HOXA9: variants seen among roughly 807,000 people sequenced by gnomAD.
HOXA9 encodes the protein homeobox protein Hox-A9.
A neutral mutation model predicts 19.0 loss-of-function variants in HOXA9; 18 were observed. The ratio of observed to expected loss-of-function variants is 0.95; its 90% CI spans 0.65 to 1.40. The LOEUF is 1.40. HOXA9 is among the 40% of genes most tolerant of loss of function. The pLI is 0.00. For synonymous variants in HOXA9, 198 were observed against 161.1 expected (o/e 1.23, Z -1.73); for missense variants, 443 against 372.2 (o/e 1.19, Z -1.57).
rs1167855835 is a variant in HOXA9, at chr7:27,165,171, G to A, written c.287C>T (p.Ala96Val). ...HHHHPYVHPQ[A>V]PVAAAAPDGR... The stretch of plus-strand genomic sequence containing the variant: ...GTCCGGCGCCGCCGCCGCCACGGGC[G>A]CCTGGGGGTGCACGTAGGGGTGGTG... The change falls in exon 1 of 2, where the codon GCG becomes GTG. Residue 96 changes from alanine (A) to valine (V), a missense_variant. Ala to Val is a moderately conservative substitution (Grantham distance 64). Coordinates refer to ENST00000343483, the MANE Select transcript of HOXA9 (RefSeq NM_152739.4). The A allele has an allele frequency of 3.8e-6, 6 of 1,596,298 alleles. No individual in the cohort carries two copies. Among genetic ancestry groups the A allele is most frequent in the African/African-American group, 1.3e-5 (1 of 74,364 alleles).
rs769367273 is a variant in HOXA9, at chr7:27,165,158, C to G, written c.300G>C (p.Ala100=). 1.9e-6 allele frequency: 3 copies of G among 1,597,368 alleles called. No individual in the cohort carries two copies. Among genetic ancestry groups the G allele is most frequent in the African/African-American group, 2.7e-5 (2 of 74,330 alleles). The change falls in exon 1 of 2, where the codon GCG becomes GCC. Residue 100 remains alanine (A), a synonymous_variant. Transcript: ENST00000343483. ...GCATGTACCTGCCGTCCGGCGCCGC[C>G]GCCGCCACGGGCGCCTGGGGGTGCA... ...PYVHPQAPVA[A]AAPDGRYMRS... is the part of the protein sequence containing the mutation.
chr7:27,164,902 C>T lies in HOXA9; in HGVS notation c.556G>A (p.Gly186Arg). Residue 186 changes from glycine to arginine, a missense_variant, in exon 1 of 2, where the codon GGA becomes AGA. Coordinates refer to ENST00000343483, the MANE Select transcript of HOXA9 (RefSeq NM_152739.4). ...CTGGGATCGATGGGGGGCTTGTCTC[C>T]GCCGCTCTCATTCTCAGCATTGTTT... is the stretch of plus-strand genomic sequence containing the variant. The part of the protein sequence containing the change: ...SENNAENESG[G>R]DKPPIDPNNP... The T allele has an allele frequency of 6.2e-7, 1 of 1,614,146 alleles. No homozygotes were observed. Among genetic ancestry groups the T allele is most frequent in the Non-Finnish European group, 8.5e-7 (1 of 1,179,994 alleles).
chr7:27,163,252 A>G lies in HOXA9; in HGVS notation c.*351T>C. The G allele has an allele frequency of 3.8e-6, 1 of 266,480 alleles. No homozygotes were observed. Among genetic ancestry groups the G allele is most frequent in the South Asian group, 1.2e-4 (1 of 8,300 alleles). The allele number at this position is 266,480 out of a possible 1,614,324, so 16.5% of individuals were successfully genotyped here. A position where few individuals can be genotyped will look rare whatever the true frequency, so the allele number is the denominator to read the frequency against. On this transcript the variant is annotated 3_prime_UTR_variant, in exon 2 of 2. Coordinates refer to ENST00000343483, the MANE Select transcript of HOXA9 (RefSeq NM_152739.4). ...CTACCATCAACAGTTGTGCATTATA[A>G]AAAGGTAGTTTCTTTCCTTTTGTTT...
At position 27,164,867 on chromosome 7, in the gene HOXA9, G is replaced by T; in HGVS notation, c.580+11C>A. On this transcript the variant is annotated intron_variant, in intron 1 of 1. Transcript: ENST00000343483. ...GAGGCGGCGGCGGATTTGAAGGGAGGAGACACTTACTGGGATCGATGGGGG... is the reference window on the plus strand; with the variant it reads ...GAGGCGGCGGCGGATTTGAAGGGAGTAGACACTTACTGGGATCGATGGGGG... 1 of 1,610,202 alleles carries T rather than the reference G, an allele frequency of 6.2e-7. No individual in the cohort carries two copies. Among genetic ancestry groups the T allele is most frequent in the South Asian group, 1.1e-5 (1 of 90,806 alleles).
At chr7:27,163,863 G>A in intron 1 of HOXA9, 22 bp from the exon 2 acceptor site, 3 of 1,596,590 alleles carry the variant, frequency 1.9e-6, no homozygotes, top group South Asian at 2.2e-5. Context: ...AGAAACACTG[G>A]GTTTAGGAGC....
Position 27,165,004 on chromosome 7 carries a change from A to C in HOXA9, c.454T>G (p.Leu152Val), listed in dbSNP as rs567037909. 5.0e-6 allele frequency: 8 copies of C among 1,614,246 alleles called. No homozygotes were observed. The South Asian group carries it at 8.8e-5, about 18-fold the overall frequency. ...CCACAAGCATAGTCAGTCAGGGACA[A>C]AGTGTGAGTGTCAAGCGTGGGACAG... ...GDCPTLDTHT[L>V]SLTDYACGSP... Residue 152 changes from leucine to valine, a missense_variant, in exon 1 of 2, where the codon TTG becomes GTG. Coordinates refer to ENST00000343483, the MANE Select transcript of HOXA9 (RefSeq NM_152739.4).
chr7:27,164,901 C>T lies in HOXA9; in HGVS notation c.557G>A (p.Gly186Glu). 6.2e-7 allele frequency: 1 copy of T among 1,614,112 alleles called. No individual in the cohort carries two copies. Among genetic ancestry groups the T allele is most frequent in the South Asian group, 1.1e-5 (1 of 91,084 alleles). ...ACTGGGATCGATGGGGGGCTTGTCT[C>T]CGCCGCTCTCATTCTCAGCATTGTT... ...SENNAENESG[G>E]DKPPIDPNNP... The change falls in exon 1 of 2, where the codon GGA becomes GAA. Residue 186 changes from glycine to glutamate, a missense_variant. Coordinates refer to ENST00000343483, the MANE Select transcript of HOXA9 (RefSeq NM_152739.4).
chr7:27,164,460 C>A (rs532419038), intron 1 of HOXA9, among the ~76,000 whole-genome samples: 28 of 152,362 alleles, frequency 1.8e-4, no homozygotes, highest in Middle Eastern at 3.4e-3. Context: ...AGGAATCGGC[C>A]GTCTCCCCCA....
intron 1 of HOXA9, among the ~76,000 whole-genome samples, chr7:27,164,147 A>G (rs1198409475): frequency 6.6e-6 from 1 of 152,092 alleles, no homozygotes; most frequent in African/African-American, 2.4e-5. Flanking sequence ...ATTTGGAAAC[A>G]GGTCTCCTTG....
At position 27,163,482 on chromosome 7, in the gene HOXA9, T is replaced by G; in HGVS notation, c.*121A>C. 1.2e-6 allele frequency: 1 copy of G among 833,066 alleles called. No individual in the cohort carries two copies. Among genetic ancestry groups the G allele is most frequent in the Non-Finnish European group, 1.9e-6 (1 of 519,578 alleles). The allele number at this position is 833,066 out of a possible 1,614,324, so 51.6% of individuals were successfully genotyped here. A position where few individuals can be genotyped will look rare whatever the true frequency, so the allele number is the denominator to read the frequency against. ...GATGTGGCCTGAGGTTTAGAGCCGC[T>G]TTGTGCGGGGATGGTGGAGGCTAGG... is the stretch of plus-strand genomic sequence containing the variant. On this transcript the variant is annotated 3_prime_UTR_variant, in exon 2 of 2. Coordinates refer to ENST00000343483, the MANE Select transcript of HOXA9 (RefSeq NM_152739.4).
intron 1 of HOXA9, 141 bp from the exon 2 acceptor site, chr7:27,163,982 A>G: frequency 1.4e-6 from 1 of 700,284 alleles, no homozygotes; most frequent in Non-Finnish European, 2.5e-6. Flanking sequence ...CTCGGACACA[A>G]TGGAACCCTG....
chr7:27,164,830 G>A, intron 1 of HOXA9, 48 bp downstream of exon 1: 1 of 1,579,898 alleles, frequency 6.3e-7, no homozygotes, highest in South Asian at 1.2e-5. Context: ...GCAGATCCGG[G>A]AGGCCGGCGT....
Position 27,164,903 on chromosome 7 carries a change from G to T in HOXA9, c.555C>A (p.Gly185=), listed in dbSNP as rs1048897054. The T allele has an allele frequency of 1.9e-6, 3 of 1,614,164 alleles. No homozygotes were observed. In the South Asian group the frequency reaches 3.3e-5, roughly 18 times the overall value. ...TGGGATCGATGGGGGGCTTGTCTCC[G>T]CCGCTCTCATTCTCAGCATTGTTTT... ...FSENNAENES[G]GDKPPIDPNN... Residue 185 remains glycine, a synonymous_variant, in exon 1 of 2, where the codon GGC becomes GGA. Coordinates refer to ENST00000343483, the MANE Select transcript of HOXA9 (RefSeq NM_152739.4).
At chr7:27,164,260 GC>G (rs966526916) in intron 1 of HOXA9, among the ~76,000 whole-genome samples, 2 of 152,114 alleles carry the variant, frequency 1.3e-5, no homozygotes, top group African/African-American at 2.4e-5. Context: ...GTCCCTCTAC[GC>G]CCCCCACTCC....
Position 27,163,488 on chromosome 7 carries a change from C to T in HOXA9, c.*115G>A, listed in dbSNP as rs1032584712. 6.1e-5 allele frequency: 52 copies of T among 853,642 alleles called. No homozygotes were observed. The African/African-American group carries it at 7.6e-4, about 13-fold the overall frequency. 52.9% of individuals were successfully genotyped at this position (853,642 alleles called of 1,614,324 possible). A position where few individuals can be genotyped will look rare whatever the true frequency, so the allele number is the denominator to read the frequency against. On this transcript the variant is annotated 3_prime_UTR_variant, in exon 2 of 2. Transcript: ENST00000343483. ...GCCTGAGGTTTAGAGCCGCTTTGTG[C>T]GGGGATGGTGGAGGCTAGGGTGGGG... is the stretch of plus-strand genomic sequence containing the variant.
rs750715019 is a variant in HOXA9 at position 27,165,482 on chromosome 7, C to T, written c.-25G>A. ...TCACCGTGCCCAGCGCCTGGCCCGC[C>T]CGGCCCGACCCACGGAAATTATGAA... On this transcript the variant is annotated 5_prime_UTR_variant, in exon 1 of 2. Transcript: ENST00000343483. 1.1e-5 allele frequency: 17 copies of T among 1,542,500 alleles called. 1 individual carries two copies. The highest frequency in any genetic ancestry group is 1.7e-4 in the Middle Eastern group (1 of 5,854).
chr7:27,163,577 T>C lies in HOXA9; in HGVS notation c.*26A>G. The C allele has an allele frequency of 6.4e-7, 1 of 1,556,652 alleles. No homozygotes were observed. Among genetic ancestry groups the C allele is most frequent in the Non-Finnish European group, 8.8e-7 (1 of 1,132,104 alleles). ...CTTTCTTTTTCTCTCTAGCTTACCC[T>C]TTTTTCTAAATAAGCCCAAATGGCA... On this transcript the variant is annotated 3_prime_UTR_variant, in exon 2 of 2. Transcript: ENST00000343483.
rs776933242 is a variant in HOXA9 at position 27,165,357 on chromosome 7, G to A, written c.101C>T (p.Thr34Ile). The change falls in exon 1 of 2, where the codon ACC becomes ATC. Residue 34 changes from threonine to isoleucine, a missense_variant. Coordinates refer to ENST00000343483, the MANE Select transcript of HOXA9 (RefSeq NM_152739.4). ...CGCCTGCCGGGGAGGCTGGCCCAGGGTCCCCGGCGCATAGCGGCCAACGCT... is the reference window on the plus strand; with the variant it reads ...CGCCTGCCGGGGAGGCTGGCCCAGGATCCCCGGCGCATAGCGGCCAACGCT... Reference protein sequence around the residue: ...ELSVGRYAPGTLGQPPRQAAT... With the variant: ...ELSVGRYAPGILGQPPRQAAT... The A allele has an allele frequency of 3.8e-6, 6 of 1,595,760 alleles. No homozygotes were observed. Among genetic ancestry groups the A allele is most frequent in the Non-Finnish European group, 5.1e-6 (6 of 1,172,884 alleles).
At chr7:27,163,875 G>A (rs773896730) in intron 1 of HOXA9, 34 bp from the exon 2 acceptor site, 28 of 1,563,916 alleles carry the variant, frequency 1.8e-5, no homozygotes, top group Non-Finnish European at 2.5e-5. Context: ...TTTAGGAGCA[G>A]AAGACGCACA....
Sources: allele counts gnomAD v4.1 joint callset (sites outside exome capture counted in the v4.1 genomes callset), GRCh38; gene constraint gnomAD v4.1.1; transcripts MANE v1.5; gene names NCBI Gene and HGNC (gene_info 2026-07-23, HGNC 2026-07-21).